Variants in PHAF1 observed in about 807,000 individuals in gnomAD.
PHAF1 encodes the protein phagophore assembly factor 1, also known as phagosome assembly factor 1.
PHAF1 carries 23 observed loss-of-function variants against 63.1 expected under a neutral mutation model. That is an observed-to-expected ratio of 0.36 (90% CI 0.26 to 0.52). PHAF1 has a LOEUF of 0.52. Ranked by LOEUF, PHAF1 falls within the 20% of genes least tolerant of loss-of-function variation. The pLI, the probability that PHAF1 is intolerant of heterozygous loss-of-function variation, is 0.93. For synonymous variants in PHAF1, 167 were observed against 185.0 expected, an observed-to-expected ratio of 0.90 and a Z score of 0.79; for missense variants, 427 against 517.2, an observed-to-expected ratio of 0.83 and a Z score of 1.69.
chr16:67,146,713 T>C (rs774611180), intron 15 of PHAF1, among the ~76,000 whole-genome samples: 11 of 152,036 alleles, frequency 7.2e-5, no homozygotes, highest in African/African-American at 9.7e-5. Flanking sequence ...AACAAATGCA[T>C]TGTAGGGGAG....
intron 1 of PHAF1, among the ~76,000 whole-genome samples, chr16:67,117,945 T>A (rs1298763894): frequency 6.8e-6 from 1 of 147,184 alleles, no homozygotes; most frequent in Admixed American, 6.8e-5. Context: ...CACACCATCA[T>A]GCCTGGCTGA....
chr16:67,116,171 A>G (rs1400972487), intron 1 of PHAF1, among the ~76,000 whole-genome samples: 1 of 152,184 alleles, frequency 6.6e-6, no homozygotes, highest in Admixed American at 6.5e-5. Flanking sequence ...TGAGGGATGC[A>G]TCCAGCTTGT....
chr16:67,121,993 G>T (rs1217004346), intron 2 of PHAF1, among the ~76,000 whole-genome samples: 2 of 152,010 alleles, frequency 1.3e-5, no homozygotes, highest in Non-Finnish European at 2.9e-5. Flanking sequence ...AATCCCCTAG[G>T]CTCAAGTGAT....
In PHAF1 at chr16:67,140,020, G is replaced by A. The variant is rs373406319; in HGVS notation, c.698G>A (p.Arg233Gln). 3.0e-5 allele frequency: 49 copies of A among 1,613,886 alleles called. No homozygotes were observed. Among genetic ancestry groups the A allele is most frequent in the Admixed American group, 6.7e-5 (4 of 59,982 alleles). Residue 233 changes from arginine to glutamine, a missense_variant, in exon 9 of 16, where the codon CGG (arginine) becomes CAG (glutamine). Physicochemically the swap from Arg to Gln is conservative, Grantham distance 43. Transcript: ENST00000219139. The stretch of plus-strand genomic sequence containing the variant: ...GGCCTATTAGCAGATGCCAAGATGC[G>A]GGTATTTGAACGTTCAGTGTATTTT... ...GPGLLADAKM[R>Q]VFERSVYFGD...
In PHAF1 at chr16:67,148,437, TG is replaced by T. The variant is rs1457519486; in HGVS notation, c.*1311del. 2.0e-5 allele frequency: 3 copies of T among 152,612 alleles called. No individual in the cohort carries two copies. Among genetic ancestry groups the T allele is most frequent in the Admixed American group, 6.5e-5 (1 of 15,286 alleles). 9.5% of individuals were successfully genotyped at this position (152,612 alleles called of 1,614,324 possible). On this transcript the variant is annotated 3_prime_UTR_variant, in exon 16 of 16. Coordinates refer to ENST00000219139, the MANE Select transcript of PHAF1 (RefSeq NM_025187.5). ...CAGGACTGTTCCCATCCTCCTGGAATGGGGGAACCTTCCTTATCCCCTGCCC... is the reference window on the plus strand; with the variant it reads ...CAGGACTGTTCCCATCCTCCTGGAATGGGGAACCTTCCTTATCCCCTGCCC...
intron 5 of PHAF1, 139 bp downstream of exon 5, chr16:67,132,664 A>G: frequency 8.3e-7 from 1 of 1,209,740 alleles, no homozygotes; most frequent in Non-Finnish European, 1.2e-6. Context: ...TGTGAAGGAA[A>G]CATCCTCCCC....
chr16:67,145,831 G>C (rs2030009778), intron 14 of PHAF1, among the ~76,000 whole-genome samples: 1 of 152,204 alleles, frequency 6.6e-6, no homozygotes, highest in African/African-American at 2.4e-5. Flanking sequence ...AATGTCCCCA[G>C]GGGTAGCTCC....
intron 1 of PHAF1, among the ~76,000 whole-genome samples, chr16:67,115,381 T>C (rs1454403230): frequency 2.0e-5 from 3 of 152,136 alleles, no homozygotes; most frequent in African/African-American, 7.2e-5. Flanking sequence ...CAGCTTTGGG[T>C]AGAGCATTCC....
At chr16:67,117,371 C>T (rs895940007) in intron 1 of PHAF1, among the ~76,000 whole-genome samples, 1 of 150,646 alleles carries the variant, frequency 6.6e-6, no homozygotes, top group East Asian at 2.0e-4. Flanking sequence ...TTTTGGTGGT[C>T]TCAGTGAGTC....
chr16:67,141,896 C>A (rs1963824787), intron 10 of PHAF1, among the ~76,000 whole-genome samples: 1 of 152,194 alleles, frequency 6.6e-6, no homozygotes, highest in South Asian at 2.1e-4. Flanking sequence ...CTTCTTGTCA[C>A]CCACAATGTG....
At chr16:67,129,873 C>T (rs1367484136) in intron 3 of PHAF1, among the ~76,000 whole-genome samples, 1 of 152,200 alleles carries the variant, frequency 6.6e-6, no homozygotes, top group South Asian at 2.1e-4. Flanking sequence ...AAAGAGCAAG[C>T]TTCACAAAGG....
chr16:67,145,910 T>G (rs1174798379), intron 14 of PHAF1, among the ~76,000 whole-genome samples: 1 of 152,196 alleles, frequency 6.6e-6, no homozygotes, highest in East Asian at 1.9e-4. Flanking sequence ...GAAGGAGGGC[T>G]TGGCTGGCTG....
chr16:67,130,780 C>CT (rs1341074243), intron 3 of PHAF1, among the ~76,000 whole-genome samples: 1 of 152,182 alleles, frequency 6.6e-6, no homozygotes, highest in Non-Finnish European at 1.5e-5. Context: ...GATCATTGTC[C>CT]TATAGGGTGG....
intron 3 of PHAF1, among the ~76,000 whole-genome samples, chr16:67,130,346 CTTTTT>C (rs34430310): frequency 1.3e-5 from 1 of 74,980 alleles, no homozygotes. Context: ...CGTGCCCGGC[CTTTTT>C]TTTTTTTTTT....
intron 3 of PHAF1, among the ~76,000 whole-genome samples, chr16:67,129,801 C>T (rs1963322001): frequency 6.6e-6 from 1 of 152,186 alleles, no homozygotes; most frequent in African/African-American, 2.4e-5. Flanking sequence ...TTAGGTGATG[C>T]CTATTCCTTT....
At chr16:67,138,295 C>T (rs984755978) in intron 8 of PHAF1, among the ~76,000 whole-genome samples, 11 of 152,122 alleles carry the variant, frequency 7.2e-5, no homozygotes, top group African/African-American at 2.4e-4. Flanking sequence ...GCCTTTATTT[C>T]CCCCTCAGTG....
chr16:67,127,129 A>G (rs1963225059), intron 3 of PHAF1, among the ~76,000 whole-genome samples: 1 of 151,986 alleles, frequency 6.6e-6, no homozygotes. Context: ...CGGCCTCCCA[A>G]AGTGCTGGGA....
chr16:67,145,207 C>T (rs1013895358), intron 12 of PHAF1, among the ~76,000 whole-genome samples, 169 bp from the exon 13 acceptor site: 1 of 152,112 alleles, frequency 6.6e-6, no homozygotes, highest in African/African-American at 2.4e-5. Flanking sequence ...ACTGACCTCC[C>T]TTCACCCCTC....
At chr16:67,131,465 C>G (rs1963397623) in intron 4 of PHAF1, 136 bp downstream of exon 4, 3 of 637,018 alleles carry the variant, frequency 4.7e-6, no homozygotes, top group Middle Eastern at 5.9e-4. Context: ...CTGAGGCAAC[C>G]TTCAAGCCTG....
Sources: gnomAD v4.1 joint callset for allele counts (sites outside exome capture counted in the v4.1 genomes callset) on GRCh38, gnomAD v4.1.1 for gene constraint, MANE v1.5 for transcripts, NCBI Gene and HGNC (gene_info 2026-07-23, HGNC 2026-07-21) for gene names.